Variants in KCNIP4 observed in about 807,000 individuals in gnomAD.
The protein encoded by KCNIP4 is potassium voltage-gated channel interacting protein 4.
A neutral mutation model predicts 34.0 loss-of-function variants in KCNIP4; 12 were observed. The observed-to-expected ratio is 0.35, with a 90% CI of 0.23 to 0.57. KCNIP4 has a LOEUF of 0.57. KCNIP4 is among the 20% of genes least tolerant of loss of function. The probability of loss-of-function intolerance (pLI) is 0.83; values close to 1 mark genes in which losing one functional copy is unlikely to be tolerated. For missense variants in KCNIP4, 238 were observed against 311.7 expected (o/e 0.76, Z 1.78); for synonymous variants, 124 against 102.2 (o/e 1.21, Z -1.29).
At chr4:21,188,221 G>T (rs529445569) in intron 1 of KCNIP4, among the ~76,000 whole-genome samples, 1 of 152,268 alleles carries the variant, frequency 6.6e-6, no homozygotes, top group East Asian at 1.9e-4. Context: ...TACAGATGCT[G>T]TGTTATAAAG....
chr4:21,675,588 C>A (rs2109015563), intron 1 of KCNIP4, among the ~76,000 whole-genome samples: 1 of 152,102 alleles, frequency 6.6e-6, no homozygotes, highest in South Asian at 2.1e-4. Context: ...ATGTACTCAC[C>A]AATTTTTTTA....
chr4:21,175,895 T>C (rs1179029509), intron 1 of KCNIP4, among the ~76,000 whole-genome samples: 1 of 152,196 alleles, frequency 6.6e-6, no homozygotes. Flanking sequence ...GACTATGGTA[T>C]ACCTCTACCG....
At chr4:21,598,001 G>A (rs1352716939) in intron 1 of KCNIP4, among the ~76,000 whole-genome samples, 1 of 152,136 alleles carries the variant, frequency 6.6e-6, no homozygotes, top group African/African-American at 2.4e-5. Context: ...TGTTGATTCA[G>A]TTGGGAGGGT....
intron 1 of KCNIP4, chr4:20,983,831 A>C: frequency 6.5e-7 from 1 of 1,536,472 alleles, no homozygotes; most frequent in Non-Finnish European, 8.7e-7. Flanking sequence ...AAAATCAATC[A>C]GTCCCAGCAA....
At chr4:20,745,214 A>T (rs535755373) in intron 5 of KCNIP4, among the ~76,000 whole-genome samples, 3 of 151,136 alleles carry the variant, frequency 2.0e-5, no homozygotes, top group Non-Finnish European at 4.4e-5. Context: ...TGAAATTACC[A>T]TTTTTTTTTG....
chr4:21,011,661 T>G (rs1170510130), intron 1 of KCNIP4, among the ~76,000 whole-genome samples: 1 of 152,226 alleles, frequency 6.6e-6, no homozygotes, highest in East Asian at 1.9e-4. Flanking sequence ...ATGAAAAGCT[T>G]ATACTTGCTT....
intron 1 of KCNIP4, among the ~76,000 whole-genome samples, chr4:21,113,696 T>G (rs780773177): frequency 6.6e-6 from 1 of 152,144 alleles, no homozygotes. Context: ...AATTTGAGCA[T>G]GTGTAATAGA....
chr4:21,690,345 G>T (rs1228766625), intron 1 of KCNIP4, among the ~76,000 whole-genome samples: 1 of 151,948 alleles, frequency 6.6e-6, no homozygotes, highest in African/African-American at 2.4e-5. Flanking sequence ...TGGATGTTTT[G>T]TCCCCTCCAA....
intron 1 of KCNIP4, among the ~76,000 whole-genome samples, chr4:21,599,261 G>T (rs1012712422): frequency 6.6e-6 from 1 of 151,996 alleles, no homozygotes; most frequent in Admixed American, 6.6e-5. Context: ...TTTTCAGTCT[G>T]TACAACCTTT....
At chr4:21,092,230 T>A (rs1747059162) in intron 1 of KCNIP4, among the ~76,000 whole-genome samples, 1 of 152,006 alleles carries the variant, frequency 6.6e-6, no homozygotes, top group Non-Finnish European at 1.5e-5. Flanking sequence ...CCAAAAAAAA[T>A]AATATGTAGG....
chr4:21,107,967 C>G (rs979983789), intron 1 of KCNIP4, among the ~76,000 whole-genome samples: 1 of 151,458 alleles, frequency 6.6e-6, no homozygotes, highest in African/African-American at 2.5e-5. Flanking sequence ...GCCGAGAAAT[C>G]TGCTGTTAGT....
chr4:21,314,992 T>C (rs927712796), intron 1 of KCNIP4, among the ~76,000 whole-genome samples: 1 of 152,206 alleles, frequency 6.6e-6, no homozygotes, highest in Non-Finnish European at 1.5e-5. Context: ...GATCTTATGA[T>C]CTATTCACTT....
intron 1 of KCNIP4, among the ~76,000 whole-genome samples, chr4:21,853,829 G>A (rs1191091460): frequency 6.6e-6 from 1 of 152,216 alleles, no homozygotes; most frequent in East Asian, 1.9e-4. Context: ...CCACAGGCAA[G>A]TCACTTAACC....
intron 1 of KCNIP4, among the ~76,000 whole-genome samples, chr4:20,952,181 G>A (rs1732854336): frequency 6.6e-6 from 1 of 152,054 alleles, no homozygotes; most frequent in Non-Finnish European, 1.5e-5. Context: ...TGCAGTACAA[G>A]AGATTGATAT....
At chr4:21,255,851 T>C (rs1194909532) in intron 1 of KCNIP4, among the ~76,000 whole-genome samples, 1 of 152,150 alleles carries the variant, frequency 6.6e-6, no homozygotes, top group Non-Finnish European at 1.5e-5. Flanking sequence ...ATGTTGACAA[T>C]AACCCGGATG....
At chr4:21,019,725 A>G in intron 1 of KCNIP4, among the ~76,000 whole-genome samples, 1 of 152,176 alleles carries the variant, frequency 6.6e-6, no homozygotes, top group East Asian at 1.9e-4. Flanking sequence ...GGCAATCGTC[A>G]TTAAAAAAAA....
chr4:21,083,954 T>G (rs1014481918), intron 1 of KCNIP4, among the ~76,000 whole-genome samples: 4 of 151,824 alleles, frequency 2.6e-5, no homozygotes, highest in Non-Finnish European at 5.9e-5. Flanking sequence ...TCTGCACAAA[T>G]CTATAAAGCT....
intron 2 of KCNIP4, among the ~76,000 whole-genome samples, chr4:20,857,947 A>C (rs1300794869): frequency 6.6e-6 from 1 of 151,888 alleles, no homozygotes; most frequent in Non-Finnish European, 1.5e-5. Context: ...GGTGGCTCAC[A>C]CCTGTAATCC....
chr4:21,835,698 C>A (rs1358554007), intron 1 of KCNIP4, among the ~76,000 whole-genome samples: 1 of 151,926 alleles, frequency 6.6e-6, no homozygotes, highest in Non-Finnish European at 1.5e-5. Context: ...GCCCAGAGTT[C>A]TTTTCTGAAG....
Sources: allele counts gnomAD v4.1 joint callset (sites outside exome capture counted in the v4.1 genomes callset), GRCh38; gene constraint gnomAD v4.1.1; transcripts MANE v1.5; gene names NCBI Gene and HGNC (gene_info 2026-07-23, HGNC 2026-07-21).